Variants in TOPAZ1 observed in about 807,000 individuals in gnomAD.
The protein encoded by TOPAZ1 is testis and ovary specific TOPAZ 1, also known as protein TOPAZ1.
TOPAZ1 carries 66 observed loss-of-function variants against 172.2 expected under a neutral mutation model. The ratio of observed to expected loss-of-function variants is 0.38; its 90% confidence interval spans 0.31 to 0.47. The LOEUF (loss-of-function observed/expected upper bound fraction) is 0.47, where lower values mean the gene tolerates loss of function less well. Among genes scored for constraint, TOPAZ1 ranks in the 20% least tolerant of loss-of-function variants. TOPAZ1 has a pLI of 0.99. For synonymous variants in TOPAZ1, 681 were observed against 683.9 expected (o/e 1.00, Z 0.07); for missense variants, 1,822 against 1,972.4 (o/e 0.92, Z 1.44).
At chr3:44,311,993 A>AATG (rs1700401942) in intron 16 of TOPAZ1, among the ~76,000 whole-genome samples, 1 of 152,068 alleles carries the variant, frequency 6.6e-6, no homozygotes, top group Non-Finnish European at 1.5e-5. Flanking sequence ...TTTTTCATTT[A>AATG]CTAATTCCAT....
Position 44,241,926 on chromosome 3 carries a change from C to G in TOPAZ1, c.-128C>G. On this transcript the variant is annotated 5_prime_UTR_variant, in exon 1 of 20. Transcript: ENST00000309765. Reference sequence around the variant, plus strand: ...CCCCACTTCCGCTTCCGGCCCCGGGCTGTGGTGACTGGCGGTGTGGGGTGG... The same window carrying G: ...CCCCACTTCCGCTTCCGGCCCCGGGGTGTGGTGACTGGCGGTGTGGGGTGG... 1.1e-5 allele frequency: 10 copies of G among 897,318 alleles called. No homozygotes were observed. Among genetic ancestry groups the G allele is most frequent in the South Asian group, 6.8e-5 (4 of 59,190 alleles). 55.6% of individuals were successfully genotyped at this position (897,318 alleles called of 1,614,324 possible). A position where few individuals can be genotyped will look rare whatever the true frequency, so the allele number is the denominator to read the frequency against.
In TOPAZ1 at chr3:44,287,675, A is replaced by G. The variant is rs1184522972; in HGVS notation, c.3589-72A>G. 5 of 1,081,146 alleles carry G rather than the reference A, an allele frequency of 4.6e-6. No individual in the cohort carries two copies. The Admixed American group carries it at 9.9e-5, about 21-fold the overall frequency. 67.0% of individuals were successfully genotyped at this position (1,081,146 alleles called of 1,614,324 possible). A position where few individuals can be genotyped will look rare whatever the true frequency, so the allele number is the denominator to read the frequency against. ...GAAACCACTTGTGTTTTTCAACATA[A>G]ATGAATTTGAGAAATTTAAGGTGTA... On this transcript the variant is annotated intron_variant, in intron 10 of 19. Transcript: ENST00000309765.
intron 3 of TOPAZ1, among the ~76,000 whole-genome samples, 194 bp from the exon 4 acceptor site, chr3:44,255,955 TTC>T (rs1300321123): frequency 6.6e-6 from 1 of 151,786 alleles, no homozygotes; most frequent in Non-Finnish European, 1.5e-5. Context: ...AAATATCTGT[TTC>T]TTTTTATATA....
chr3:44,315,789 A>G (rs1700445323), intron 16 of TOPAZ1, among the ~76,000 whole-genome samples: 1 of 152,132 alleles, frequency 6.6e-6, no homozygotes, highest in Non-Finnish European at 1.5e-5. Context: ...AAGACCTACT[A>G]CTTAGGTCAT....
At chr3:44,271,308 G>A (rs888006895) in intron 8 of TOPAZ1, among the ~76,000 whole-genome samples, 2 of 152,136 alleles carry the variant, frequency 1.3e-5, no homozygotes, top group African/African-American at 4.8e-5. Flanking sequence ...ATCCTTACCA[G>A]CTCTTGATAT....
rs541127921 is a variant in TOPAZ1, at chr3:44,266,400, T to C, written c.3021-597T>C. Among the ~76,000 whole-genome samples the C allele has an allele frequency of 2.0e-5, 3 of 152,370 alleles. No individual in the cohort carries two copies. In the South Asian group the frequency reaches 6.2e-4, roughly 32 times the overall value. Reference sequence around the variant, plus strand: ...GGTTAACTATTTGGTACAAGAAGCCTACCTTTTGGCCTGTCTTATCCGTCA... The same window carrying C: ...GGTTAACTATTTGGTACAAGAAGCCCACCTTTTGGCCTGTCTTATCCGTCA... On this transcript the variant is annotated intron_variant, in intron 5 of 19. Coordinates refer to ENST00000309765, the MANE Select transcript of TOPAZ1 (RefSeq NM_001145030.2).
rs1699519032 is a variant in TOPAZ1, at chr3:44,243,683, G to T, written c.1177G>T (p.Asp393Tyr). ...AAGCCATAATACAGTCTCTTTGATGGATCATTTATTAAGTGTCCCAGAAAC... is the reference window on the plus strand; with the variant it reads ...AAGCCATAATACAGTCTCTTTGATGTATCATTTATTAAGTGTCCCAGAAAC... ...KVSHNTVSLM[D>Y]HLLSVPETVE... The change falls in exon 2 of 20, where the codon GAT becomes TAT. Residue 393 changes from aspartate to tyrosine, a missense_variant. Around this residue, in one of 2 missense-constraint regions of TOPAZ1, gnomAD observed 1,489 missense variants for 1,490.8 expected, o/e 1.00. Transcript: ENST00000309765. 6.5e-7 allele frequency: 1 copy of T among 1,549,876 alleles called. No homozygotes were observed. Among genetic ancestry groups the T allele is most frequent in the African/African-American group, 1.4e-5 (1 of 72,914 alleles).
rs769319697 is a variant in TOPAZ1, at chr3:44,321,039, T to C, written c.4319T>C (p.Ile1440Thr). 15 of 1,546,486 alleles carry C rather than the reference T, an allele frequency of 9.7e-6. No homozygotes were observed. In the South Asian group the frequency reaches 1.7e-4, roughly 17 times the overall value. Residue 1440 changes from isoleucine to threonine, a missense_variant, in exon 17 of 20, where the codon ATA becomes ACA. By Grantham distance (89) the Ile-to-Thr change is moderately conservative (BLOSUM62 -1). This residue lies in a region of TOPAZ1 where 333 missense variants were observed against 481.7 expected (regional missense o/e 0.69). Coordinates refer to ENST00000309765, the MANE Select transcript of TOPAZ1 (RefSeq NM_001145030.2). Reference protein sequence around the residue: ...AIWVMRESEWIINTPLWPCDR... With the variant: ...AIWVMRESEWTINTPLWPCDR... Reference sequence around the variant, plus strand: ...TTCTTTTTGGAAGAGTCAGAGTGGATAATCAATACGCCTCTGTGGCCTTGT... The same window carrying C: ...TTCTTTTTGGAAGAGTCAGAGTGGACAATCAATACGCCTCTGTGGCCTTGT...
intron 5 of TOPAZ1, among the ~76,000 whole-genome samples, chr3:44,263,169 A>C (rs1699793448): frequency 6.6e-6 from 1 of 152,204 alleles, no homozygotes; most frequent in Non-Finnish European, 1.5e-5. Context: ...CAAGTTTGAG[A>C]ACTGTGTTAA....
At position 44,256,011 on chromosome 3, in the gene TOPAZ1, C is replaced by T. The variant is rs201165590; in HGVS notation, c.2828-140C>T. ...GATAGAGAGGAATTATTGTATAATTCGCTGAAAACTCTGCTTCATATTTGT... is the reference window on the plus strand; with the variant it reads ...GATAGAGAGGAATTATTGTATAATTTGCTGAAAACTCTGCTTCATATTTGT... On this transcript the variant is annotated intron_variant, in intron 3 of 19. Coordinates refer to ENST00000309765, the MANE Select transcript of TOPAZ1 (RefSeq NM_001145030.2). The T allele has an allele frequency of 9.4e-5, 46 of 490,994 alleles. No individual in the cohort carries two copies. In the East Asian group the frequency reaches 9.6e-4, roughly 10 times the overall value. The allele number at this position is 490,994 out of a possible 1,614,324, so 30.4% of individuals were successfully genotyped here.
At chr3:44,312,456 A>T (rs1700407514) in intron 16 of TOPAZ1, among the ~76,000 whole-genome samples, 1 of 152,152 alleles carries the variant, frequency 6.6e-6, no homozygotes, top group Non-Finnish European at 1.5e-5. Context: ...TTTCCTTTTT[A>T]AAAATATGCT....
intron 16 of TOPAZ1, among the ~76,000 whole-genome samples, chr3:44,316,566 CT>C (rs1700453932): frequency 1.3e-5 from 2 of 151,972 alleles, no homozygotes; most frequent in Admixed American, 1.3e-4. Context: ...TTTTCTTTAA[CT>C]TTATGATGTT....
intron 16 of TOPAZ1, among the ~76,000 whole-genome samples, chr3:44,312,530 G>GA (rs1027909734): frequency 5.3e-5 from 8 of 152,130 alleles, no homozygotes; most frequent in African/African-American, 1.9e-4. Context: ...GAGAAATGCG[G>GA]AATATCTCAC....
intron 18 of TOPAZ1, among the ~76,000 whole-genome samples, chr3:44,324,410 C>T (rs1322939845): frequency 6.6e-6 from 1 of 151,932 alleles, no homozygotes; most frequent in East Asian, 1.9e-4. Context: ...AAACCATACA[C>T]ACACACATAT....
intron 12 of TOPAZ1, among the ~76,000 whole-genome samples, chr3:44,302,301 T>G (rs553556913): frequency 6.6e-6 from 1 of 152,116 alleles, no homozygotes; most frequent in South Asian, 2.1e-4. Flanking sequence ...TCCCAGCTTC[T>G]CGGGAGGCTG....
intron 12 of TOPAZ1, among the ~76,000 whole-genome samples, chr3:44,300,733 A>T (rs542787816): frequency 6.6e-6 from 1 of 152,304 alleles, no homozygotes; most frequent in East Asian, 1.9e-4. Flanking sequence ...AAACATGCAC[A>T]TCCCAAAGGC....
Position 44,242,069 on chromosome 3 carries a change from C to T in TOPAZ1, c.16C>T (p.Pro6Ser), listed in dbSNP as rs1239988482. 4.5e-6 allele frequency: 7 copies of T among 1,545,590 alleles called. No homozygotes were observed. The highest frequency in any genetic ancestry group is 1.2e-5 in the South Asian group (1 of 83,898). ...CCCGGGGCACATGCGACGACCTCCA[C>T]CCCTGGGCCCCACGACGGCCTCAGG... is the stretch of plus-strand genomic sequence containing the variant. MRRPP[P>S]LGPTTASGPE... Residue 6 changes from proline to serine, a missense_variant, in exon 1 of 20, where the codon CCC becomes TCC. Pro to Ser is a moderately conservative substitution (Grantham distance 74, BLOSUM62 -1). Transcript: ENST00000309765.
intron 8 of TOPAZ1, among the ~76,000 whole-genome samples, chr3:44,280,034 T>C (rs1225963602): frequency 6.6e-6 from 1 of 152,236 alleles, no homozygotes. Flanking sequence ...AGGATTCCCT[T>C]AAGTATTTCT....
At chr3:44,293,198 A>C (rs1700159252) in intron 12 of TOPAZ1, among the ~76,000 whole-genome samples, 1 of 152,256 alleles carries the variant, frequency 6.6e-6, no homozygotes, top group African/African-American at 2.4e-5. Flanking sequence ...AGCACATACA[A>C]CTATGTACAG....
Sources: allele counts gnomAD v4.1 joint callset (sites outside exome capture counted in the v4.1 genomes callset), GRCh38; gene constraint gnomAD v4.1.1; regional missense constraint gnomAD v4.1.1; transcripts MANE v1.5; gene names NCBI Gene and HGNC (gene_info 2026-07-23, HGNC 2026-07-21).